Variants in KCNG3 observed in about 807,000 individuals in gnomAD.
KCNG3 encodes the protein potassium voltage-gated channel modifier subfamily G member 3, also known as voltage-gated potassium channel regulatory subunit KCNG3.
KCNG3 carries 15 observed loss-of-function variants against 29.0 expected under a neutral mutation model. The observed-to-expected ratio is 0.52, with a 90% CI of 0.35 to 0.80. KCNG3 has a LOEUF of 0.80. KCNG3 is among the 30% of genes least tolerant of loss of function. The probability of loss-of-function intolerance (pLI) is 0.01; values close to 1 mark genes in which losing one functional copy is unlikely to be tolerated. For synonymous variants in KCNG3, 322 were observed against 248.9 expected, an observed-to-expected ratio of 1.29 and a Z score of -2.76; for missense variants, 512 against 605.7, an observed-to-expected ratio of 0.85 and a Z score of 1.62.
intron 1 of KCNG3, among the ~76,000 whole-genome samples, chr2:42,445,872 G>A (rs1324482480): frequency 6.6e-5 from 10 of 151,982 alleles, no homozygotes; most frequent in African/African-American, 1.9e-4. Context: ...GACTACAGGC[G>A]TCTGCCACCA....
At chr2:42,428,459 G>GAAA in the KCNG3 span, among the ~76,000 whole-genome samples, 2 of 123,690 alleles carry the variant, frequency 1.6e-5, no homozygotes, top group Admixed American at 1.9e-4. Flanking sequence ...CCGGTCTCGG[G>GAAA]AAAAAAAAAA....
chr2:42,461,811 G>C (rs1245643629), intron 1 of KCNG3, among the ~76,000 whole-genome samples: 10 of 152,068 alleles, frequency 6.6e-5, no homozygotes. Flanking sequence ...AGAATTATGA[G>C]ACTAGAAAGG....
At chr2:42,485,527 C>T (rs1194110460) in intron 1 of KCNG3, among the ~76,000 whole-genome samples, 2 of 152,010 alleles carry the variant, frequency 1.3e-5, no homozygotes. Context: ...TCACCGCAAG[C>T]TCTGCCTCCT....
intron 1 of KCNG3, among the ~76,000 whole-genome samples, chr2:42,481,750 G>A (rs1160051786): frequency 6.6e-6 from 1 of 151,982 alleles, no homozygotes; most frequent in African/African-American, 2.4e-5. Flanking sequence ...CCGCCTCAGG[G>A]ATTGGTTTGT....
the KCNG3 span, among the ~76,000 whole-genome samples, chr2:42,409,966 A>G: frequency 6.6e-6 from 1 of 151,914 alleles, no homozygotes; most frequent in South Asian, 2.1e-4. Flanking sequence ...ACACCACTCA[A>G]TTTTTGGGCC....
At chr2:42,467,862 T>A (rs1237693071) in intron 1 of KCNG3, among the ~76,000 whole-genome samples, 4 of 150,116 alleles carry the variant, frequency 2.7e-5, no homozygotes, top group Non-Finnish European at 4.4e-5. Context: ...TCCTAGCTAC[T>A]GGGGAGCTGA....
At chr2:42,419,639 A>G in the KCNG3 span, among the ~76,000 whole-genome samples, 1 of 152,206 alleles carries the variant, frequency 6.6e-6, no homozygotes, top group Non-Finnish European at 1.5e-5. Flanking sequence ...CCAGAACTGG[A>G]AAGCCCAACC....
intron 1 of KCNG3, among the ~76,000 whole-genome samples, chr2:42,477,430 T>A (rs1236767198): frequency 0.5 from 44,939 of 90,662 alleles, 9,174 homozygotes; most frequent in Admixed American, 0.61. Flanking sequence ...CACATATATT[T>A]TTTTTTTTTT....
the KCNG3 span, among the ~76,000 whole-genome samples, chr2:42,393,209 T>TA: frequency 3.3e-5 from 5 of 151,534 alleles, no homozygotes. Context: ...AAGTGATTAT[T>TA]ATGATAAAAC....
At chr2:42,455,948 T>C (rs1380184419) in intron 1 of KCNG3, among the ~76,000 whole-genome samples, 2 of 149,118 alleles carry the variant, frequency 1.3e-5, no homozygotes, top group Non-Finnish European at 3.0e-5. Flanking sequence ...AATATGTGCA[T>C]ATATAATTAT....
At chr2:42,459,481 G>C (rs1672963311) in intron 1 of KCNG3, among the ~76,000 whole-genome samples, 1 of 152,234 alleles carries the variant, frequency 6.6e-6, no homozygotes, top group African/African-American at 2.4e-5. Flanking sequence ...CAGGTCACTT[G>C]TAGCCAGGAT....
chr2:42,477,971 G>C (rs1426555391), intron 1 of KCNG3, among the ~76,000 whole-genome samples: 2 of 152,004 alleles, frequency 1.3e-5, no homozygotes, highest in African/African-American at 4.8e-5. Flanking sequence ...TAAGGTTCTG[G>C]ATGAGTGAGA....
chr2:42,406,098 C>T, the KCNG3 span, among the ~76,000 whole-genome samples: 2 of 152,140 alleles, frequency 1.3e-5, no homozygotes, highest in Non-Finnish European at 2.9e-5. Context: ...TTGTTGTTTA[C>T]TAGTAACAAC....
downstream of KCNG3, among the ~76,000 whole-genome samples, chr2:42,441,309 G>A (rs1324022678): frequency 3.3e-5 from 5 of 152,082 alleles, no homozygotes; most frequent in African/African-American, 1.2e-4. Context: ...GACTGCTTGA[G>A]CCCAGGAGTT....
chr2:42,427,208 T>C, the KCNG3 span, among the ~76,000 whole-genome samples: 1 of 152,206 alleles, frequency 6.6e-6, no homozygotes, highest in Non-Finnish European at 1.5e-5. Context: ...TTCAAGGTAT[T>C]CTGAAACTAA....
chr2:42,434,123 A>G, the KCNG3 span, among the ~76,000 whole-genome samples: 2 of 152,174 alleles, frequency 1.3e-5, no homozygotes, highest in African/African-American at 4.8e-5. Flanking sequence ...ATTTTTTTGC[A>G]GAAATGGACA....
chr2:42,419,627 A>C, the KCNG3 span, among the ~76,000 whole-genome samples: 1 of 152,166 alleles, frequency 6.6e-6, no homozygotes, highest in African/African-American at 2.4e-5. Context: ...AGGTTTGCTA[A>C]ACCAGAACTG....
At chr2:42,420,241 A>G in the KCNG3 span, among the ~76,000 whole-genome samples, 2 of 152,174 alleles carry the variant, frequency 1.3e-5, no homozygotes, top group Non-Finnish European at 2.9e-5. Context: ...CAAAAAATAA[A>G]AAATAAAAAT....
intron 1 of KCNG3, chr2:42,470,119 G>C: frequency 2.2e-6 from 1 of 461,820 alleles, no homozygotes; most frequent in South Asian, 2.9e-5. Context: ...AGCATCTTGA[G>C]AGGAATAGAA....
Sources: gnomAD v4.1 joint callset for allele counts (sites outside exome capture counted in the v4.1 genomes callset) on GRCh38, gnomAD v4.1.1 for gene constraint, MANE v1.5 for transcripts, NCBI Gene and HGNC (gene_info 2026-07-23, HGNC 2026-07-21) for gene names.